ERC1: variants seen among roughly 807,000 people sequenced by gnomAD.
ERC1 encodes ELKS/RAB6-interacting/CAST family member 1.
Under a neutral mutation model 132.0 loss-of-function variants are expected in ERC1, and 56 were observed. The ratio of observed to expected loss-of-function variants is 0.42; its 90% CI spans 0.34 to 0.53. The LOEUF (loss-of-function observed/expected upper bound fraction) is 0.53, where lower values mean the gene tolerates loss of function less well. ERC1 is among the 20% of genes least tolerant of loss of function. The pLI is 0.03. For synonymous variants in ERC1, 478 were observed against 476.1 expected (o/e 1.00, Z -0.05); for missense variants, 1,202 against 1,349.9 (o/e 0.89, Z 1.72).
chr12:1,117,970 G>A (rs1046800141), intron 7 of ERC1, among the ~76,000 whole-genome samples: 13 of 152,012 alleles, frequency 8.6e-5, no homozygotes, highest in Non-Finnish European at 1.6e-4. Context: ...TATATTTATG[G>A]GGTATGTGAG....
At chr12:1,461,249 T>C (rs1359917666) in intron 18 of ERC1, among the ~76,000 whole-genome samples, 3 of 152,214 alleles carry the variant, frequency 2.0e-5, no homozygotes, top group East Asian at 1.9e-4. Context: ...ATATGGATTA[T>C]ATATGAATAT....
chr12:1,139,159 A>G (rs768488683), intron 7 of ERC1, among the ~76,000 whole-genome samples: 7 of 152,212 alleles, frequency 4.6e-5, no homozygotes, highest in Non-Finnish European at 1.0e-4. Context: ...ATTCCAGAAA[A>G]GAACAGCTCC....
intron 1 of ERC1, among the ~76,000 whole-genome samples, chr12:1,014,002 A>G (rs1366032453): frequency 6.7e-6 from 1 of 150,264 alleles, no homozygotes; most frequent in Non-Finnish European, 1.5e-5. Flanking sequence ...GATTATAGGC[A>G]TAAGCCATGT....
At chr12:1,303,354 C>A (rs780882372) in intron 15 of ERC1, among the ~76,000 whole-genome samples, 1 of 152,030 alleles carries the variant, frequency 6.6e-6, no homozygotes, top group Non-Finnish European at 1.5e-5. Context: ...GCTGCTTTAC[C>A]GGCCGGGCGC....
intron 12 of ERC1, among the ~76,000 whole-genome samples, chr12:1,197,898 G>C (rs916774960): frequency 6.6e-6 from 1 of 151,440 alleles, no homozygotes. Flanking sequence ...TTGAACTTTG[G>C]ACTATTTTTT....
intron 16 of ERC1, among the ~76,000 whole-genome samples, chr12:1,376,837 C>T (rs934366538): frequency 3.9e-5 from 6 of 152,312 alleles, no homozygotes; most frequent in Non-Finnish European, 5.9e-5. Flanking sequence ...CCTCTCCATC[C>T]GTAAAGAACC....
intron 14 of ERC1, among the ~76,000 whole-genome samples, chr12:1,284,265 C>CAT (rs2078889948): frequency 7.1e-6 from 1 of 140,082 alleles, no homozygotes; most frequent in Non-Finnish European, 1.5e-5. Flanking sequence ...GAATAGTATT[C>CAT]GTGTGTGTGT....
At chr12:1,106,275 T>G (rs994746367) in intron 4 of ERC1, among the ~76,000 whole-genome samples, 5 of 152,228 alleles carry the variant, frequency 3.3e-5, no homozygotes, top group Non-Finnish European at 5.9e-5. Context: ...TACTAGCTGT[T>G]GCAGCTGTTA....
chr12:1,079,383 C>T (rs1326242631), intron 2 of ERC1, among the ~76,000 whole-genome samples: 1 of 70,376 alleles, frequency 1.4e-5, no homozygotes, highest in Admixed American at 1.5e-4. Context: ...TGACAAAAGT[C>T]GATATACAGA....
chr12:1,488,856 C>T (rs2094282775), intron 18 of ERC1, among the ~76,000 whole-genome samples: 1 of 152,192 alleles, frequency 6.6e-6, no homozygotes, highest in African/African-American at 2.4e-5. Context: ...GAGGCTCAGA[C>T]CTGTGTGTTC....
chr12:1,098,531 G>A (rs1944312163), intron 3 of ERC1, among the ~76,000 whole-genome samples: 1 of 152,218 alleles, frequency 6.6e-6, no homozygotes, highest in Non-Finnish European at 1.5e-5. Flanking sequence ...ATGAATATCA[G>A]GAGGAGAAAA....
intron 16 of ERC1, among the ~76,000 whole-genome samples, chr12:1,405,825 G>A (rs1051877134): frequency 2.0e-5 from 3 of 152,034 alleles, no homozygotes; most frequent in African/African-American, 7.2e-5. Flanking sequence ...CCAAGACGGG[G>A]GGATCACTTA....
At chr12:1,404,576 A>G (rs144353838) in intron 16 of ERC1, among the ~76,000 whole-genome samples, 249 of 152,338 alleles carry the variant, frequency 1.6e-3, no homozygotes, top group African/African-American at 5.8e-3. Flanking sequence ...CCTACCAGTG[A>G]TAGAACTAGA....
At chr12:1,037,799 C>G (rs972998112) in intron 2 of ERC1, among the ~76,000 whole-genome samples, 1 of 152,054 alleles carries the variant, frequency 6.6e-6, no homozygotes, top group Non-Finnish European at 1.5e-5. Flanking sequence ...AAGCCCAGCA[C>G]TTTGGGAGGC....
At chr12:1,031,512 C>T (rs944507356) in intron 2 of ERC1, among the ~76,000 whole-genome samples, 4 of 152,070 alleles carry the variant, frequency 2.6e-5, no homozygotes, top group East Asian at 3.8e-4. Context: ...GGTAGTACAA[C>T]GCAAATTAAA....
chr12:1,166,355 GT>G (rs1232829547), intron 8 of ERC1, among the ~76,000 whole-genome samples: 1 of 152,124 alleles, frequency 6.6e-6, no homozygotes, highest in Non-Finnish European at 1.5e-5. Context: ...AAGTCACATG[GT>G]GGCTTGCCTT....
intron 12 of ERC1, among the ~76,000 whole-genome samples, chr12:1,233,080 A>G (rs1447769053): frequency 2.0e-5 from 3 of 152,186 alleles, no homozygotes; most frequent in African/African-American, 7.2e-5. Flanking sequence ...GCATGGAGCC[A>G]TTAGGTGAAA....
chr12:1,383,369 C>T (rs927139900), intron 16 of ERC1, among the ~76,000 whole-genome samples: 4 of 152,196 alleles, frequency 2.6e-5, no homozygotes, highest in Admixed American at 6.5e-5. Context: ...TTCCCTCCTC[C>T]GTTAAACTTC....
rs2154203566 is a variant in ERC1, at chr12:1,110,172, A to G, written c.1162-20A>G. Reference sequence around the variant, plus strand: ...GGTTTTTGTGAATACTTCAATCACTAAATCTTCCATTGTCTTCAGGATTCA... The same window carrying G: ...GGTTTTTGTGAATACTTCAATCACTGAATCTTCCATTGTCTTCAGGATTCA... On this transcript the variant is annotated intron_variant, in intron 4 of 18. Coordinates refer to ENST00000360905, the MANE Select transcript of ERC1 (RefSeq NM_178040.4). 1 of 1,575,462 alleles carries G rather than the reference A, an allele frequency of 6.3e-7. No homozygotes were observed. Among genetic ancestry groups the G allele is most frequent in the East Asian group, 2.3e-5 (1 of 43,898 alleles).
Sources: allele counts gnomAD v4.1 joint callset (sites outside exome capture counted in the v4.1 genomes callset), GRCh38; gene constraint gnomAD v4.1.1; transcripts MANE v1.5; gene names NCBI Gene and HGNC (gene_info 2026-07-23, HGNC 2026-07-21).